Variants in VIPR2 observed in about 807,000 individuals in gnomAD.
VIPR2 encodes vasoactive intestinal polypeptide receptor 2.
Under a neutral mutation model 58.0 loss-of-function variants are expected in VIPR2, and 48 were observed. The observed-to-expected ratio is 0.83, with a 90% CI of 0.66 to 1.05. The LOEUF is 1.05. Ranked by LOEUF, VIPR2 falls within the 50% of genes least tolerant of loss-of-function variation. The pLI, the probability that VIPR2 is intolerant of heterozygous loss-of-function variation, is 0.00. For synonymous variants in VIPR2, 243 were observed against 235.2 expected, an observed-to-expected ratio of 1.03 and a Z score of -0.30; for missense variants, 534 against 558.0, an observed-to-expected ratio of 0.96 and a Z score of 0.43.
intron 2 of VIPR2, among the ~76,000 whole-genome samples, chr7:159,139,731 T>C (rs992203987): frequency 4.6e-5 from 7 of 152,242 alleles, no homozygotes; most frequent in African/African-American, 1.4e-4. Flanking sequence ...AGACCACCTC[T>C]GCTTCTCCCC....
At position 159,028,765 on chromosome 7, in the gene VIPR2, T is replaced by G. The variant is rs1314232213; in HGVS notation, c.*1851A>C. 2 of 152,912 alleles carry G rather than the reference T, an allele frequency of 1.3e-5. No individual in the cohort carries two copies. Among genetic ancestry groups the G allele is most frequent in the Non-Finnish European group, 2.9e-5 (2 of 68,592 alleles). The allele number at this position is 152,912 out of a possible 1,614,324, so 9.5% of individuals were successfully genotyped here. A position where few individuals can be genotyped will look rare whatever the true frequency, so the allele number is the denominator to read the frequency against. On this transcript the variant is annotated 3_prime_UTR_variant, in exon 13 of 13. Transcript: ENST00000262178. ...CTCCACATGCTCAGCCGTCCTTTCC[T>G]GGGCACCTGGCCTGGGCCGTTTACT... is the stretch of plus-strand genomic sequence containing the variant.
Position 159,128,868 on chromosome 7 carries a change from C to T in VIPR2, c.151+13578G>A, listed in dbSNP as rs144033706. Among the ~76,000 whole-genome samples, 47 of 152,306 alleles carry T rather than the reference C, an allele frequency of 3.1e-4. No homozygotes were observed. Among genetic ancestry groups the T allele is most frequent in the African/African-American group, 1.0e-3 (42 of 41,572 alleles). ...CAACTGCTCCCTCCTTCCCTCCCTG[C>T]GGCTGAGCTCAGTCCTGACACAGGC... On this transcript the variant is annotated intron_variant, in intron 2 of 12. Transcript: ENST00000262178. This position sits in a 1 kb window ranked among gnomAD's most constrained non-coding sequence, Gnocchi z 4.1.
In VIPR2 at chr7:159,109,935, C is replaced by T. The variant is rs1563336710; in HGVS notation, c.152-16G>A. The T allele has an allele frequency of 6.2e-7, 1 of 1,611,300 alleles. No homozygotes were observed. Among genetic ancestry groups the T allele is most frequent in the African/African-American group, 1.3e-5 (1 of 74,918 alleles). On this transcript the variant is annotated splice_polypyrimidine_tract_variant and intron_variant, in intron 2 of 12. Transcript: ENST00000262178. ...CCACTGCAGGCTGGAAGGAGAGAAGCAGAGTGAGGCAGGTGCAAGGTGACA... is the reference window on the plus strand; with the variant it reads ...CCACTGCAGGCTGGAAGGAGAGAAGTAGAGTGAGGCAGGTGCAAGGTGACA...
Position 159,140,403 on chromosome 7 carries a change from T to C in VIPR2, c.151+2043A>G, listed in dbSNP as rs145815550. Reference sequence around the variant, plus strand: ...TTTATTCTGGTAACTTACTTCTATTTACATCCCTGGCATTTGAGCCACGCA... The same window carrying C: ...TTTATTCTGGTAACTTACTTCTATTCACATCCCTGGCATTTGAGCCACGCA... On this transcript the variant is annotated intron_variant, in intron 2 of 12. Coordinates refer to ENST00000262178, the MANE Select transcript of VIPR2 (RefSeq NM_003382.5). Among the ~76,000 whole-genome samples, 1,179 of 152,302 alleles carry C rather than the reference T, an allele frequency of 7.7e-3. 16 individuals carry two copies. The highest frequency in any genetic ancestry group is 0.027 in the African/African-American group (1,119 of 41,554).
At chr7:159,048,188 C>T (rs2129493631) in intron 5 of VIPR2, among the ~76,000 whole-genome samples, 1 of 152,072 alleles carries the variant, frequency 6.6e-6, no homozygotes, top group East Asian at 1.9e-4. Flanking sequence ...AGTTGTTTGC[C>T]AATTTATGCA....
At chr7:159,060,859 T>G (rs1211313535) in intron 4 of VIPR2, among the ~76,000 whole-genome samples, 2 of 152,216 alleles carry the variant, frequency 1.3e-5, no homozygotes, top group Admixed American at 1.3e-4. Context: ...CTCAAAGAAC[T>G]TAGAACTACC....
chr7:159,054,230 A>G (rs1257115557), intron 5 of VIPR2, among the ~76,000 whole-genome samples: 1 of 152,232 alleles, frequency 6.6e-6, no homozygotes, highest in Non-Finnish European at 1.5e-5. Flanking sequence ...GATTATGGAC[A>G]GAAACATGAA....
chr7:159,030,997 C>T (rs1445293559), intron 12 of VIPR2, among the ~76,000 whole-genome samples: 2 of 152,242 alleles, frequency 1.3e-5, no homozygotes, highest in Non-Finnish European at 1.5e-5. Flanking sequence ...GGGGACGCTG[C>T]CAGACTCTAA....
chr7:159,139,307 C>A (rs1797361195), intron 2 of VIPR2, among the ~76,000 whole-genome samples: 1 of 152,202 alleles, frequency 6.6e-6, no homozygotes, highest in Non-Finnish European at 1.5e-5. Flanking sequence ...AGCCAGTTCT[C>A]CTCAGCTACA....
intron 4 of VIPR2, among the ~76,000 whole-genome samples, chr7:159,070,841 A>C (rs79991714): frequency 0.013 from 2,046 of 152,326 alleles, 28 homozygotes; most frequent in Admixed American, 0.029. Flanking sequence ...TTTCTTGCAA[A>C]AATGCCTCCA....
At chr7:159,129,139 TGGGGGG>T (rs1193516516) in intron 2 of VIPR2, among the ~76,000 whole-genome samples, 3,498 of 116,684 alleles carry the variant, frequency 0.03, 104 homozygotes, top group African/African-American at 0.1. Flanking sequence ...AACTGGCCTC[TGGGGGG>T]GACAGGGCTG....
chr7:159,063,503 G>A (rs1855848384), intron 4 of VIPR2, among the ~76,000 whole-genome samples: 1 of 152,032 alleles, frequency 6.6e-6, no homozygotes, highest in Non-Finnish European at 1.5e-5. Flanking sequence ...GTTCCCGCCC[G>A]CGCCTCTCCC....
chr7:159,104,779 C>T (rs1776526315), intron 3 of VIPR2, among the ~76,000 whole-genome samples: 2 of 151,182 alleles, frequency 1.3e-5, no homozygotes, highest in African/African-American at 4.9e-5. Flanking sequence ...AGCCAGCACC[C>T]TTGCCACCGA....
chr7:159,039,326 A>C (rs1016076264), intron 6 of VIPR2, among the ~76,000 whole-genome samples: 2 of 147,022 alleles, frequency 1.4e-5, no homozygotes, highest in East Asian at 4.0e-4. Flanking sequence ...CACACACACA[A>C]AATTAGCTGG....
intron 4 of VIPR2, among the ~76,000 whole-genome samples, chr7:159,086,107 C>T (rs1857157132): frequency 6.6e-6 from 1 of 152,178 alleles, no homozygotes; most frequent in Non-Finnish European, 1.5e-5. Flanking sequence ...GTGCGGACTG[C>T]ACGAGAATCC....
intron 3 of VIPR2, among the ~76,000 whole-genome samples, chr7:159,108,936 T>C (rs1384978155): frequency 2.0e-5 from 3 of 152,344 alleles, no homozygotes; most frequent in East Asian, 3.9e-4. Flanking sequence ...ACCTTCAGGC[T>C]GCTTTGCTGG....
chr7:159,038,705 A>G (rs1424739307), intron 6 of VIPR2, among the ~76,000 whole-genome samples: 1 of 152,212 alleles, frequency 6.6e-6, no homozygotes, highest in Non-Finnish European at 1.5e-5. Flanking sequence ...CAGATGAACC[A>G]AGACACAAAT....
chr7:159,091,444 A>G (rs1585467340), intron 4 of VIPR2, among the ~76,000 whole-genome samples: 1 of 152,228 alleles, frequency 6.6e-6, no homozygotes, highest in Admixed American at 6.5e-5. Flanking sequence ...TGAACGCTCA[A>G]TAATTTATGC....
At chr7:159,081,713 T>C (rs977465932) in intron 4 of VIPR2, among the ~76,000 whole-genome samples, 3 of 152,122 alleles carry the variant, frequency 2.0e-5, no homozygotes, top group African/African-American at 7.2e-5. Flanking sequence ...TTTTGCAATC[T>C]ACTCATCTGA....
Sources: gnomAD v4.1 joint callset for allele counts (sites outside exome capture counted in the v4.1 genomes callset) on GRCh38, gnomAD v4.1.1 for gene constraint, Gnocchi (gnomAD v3.1) non-coding constraint, MANE v1.5 for transcripts, NCBI Gene and HGNC (gene_info 2026-07-23, HGNC 2026-07-21) for gene names.